TSNARE1: variants seen among roughly 807,000 people sequenced by gnomAD.
The protein encoded by TSNARE1 is t-SNARE domain-containing protein 1.
Under a neutral mutation model 62.0 loss-of-function variants are expected in TSNARE1, and 49 were observed. That is an observed-to-expected ratio of 0.79 (90% CI 0.63 to 1.00). The LOEUF is 1.00. Ranked by LOEUF, TSNARE1 falls within the 50% of genes least tolerant of loss-of-function variation. The probability of loss-of-function intolerance (pLI) is 0.00; values close to 1 mark genes in which losing one functional copy is unlikely to be tolerated. For synonymous variants in TSNARE1, 328 were observed against 294.4 expected, an observed-to-expected ratio of 1.11 and a Z score of -1.17; for missense variants, 755 against 700.1, an observed-to-expected ratio of 1.08 and a Z score of -0.88.
At chr8:142,339,005 A>G (rs1832162750) in intron 4 of TSNARE1, among the ~76,000 whole-genome samples, 1 of 152,148 alleles carries the variant, frequency 6.6e-6, no homozygotes. Flanking sequence ...GCAGGGCACA[A>G]GTGGCCAGCC....
At chr8:142,311,302 T>TTTTTTTTTTTTTG (rs1827575192) in intron 9 of TSNARE1, among the ~76,000 whole-genome samples, 1 of 139,482 alleles carries the variant, frequency 7.2e-6, no homozygotes, top group African/African-American at 2.8e-5. Context: ...TTTTTTTTTT[T>TTTTTTTTTTTTTG]TTTTTTTTTT....
At position 142,344,389 on chromosome 8, in the gene TSNARE1, C is replaced by G; in HGVS notation, c.322G>C (p.Gly108Arg). The G allele has an allele frequency of 6.3e-7, 1 of 1,578,970 alleles. No individual in the cohort carries two copies. Among genetic ancestry groups the G allele is most frequent in the Admixed American group, 1.9e-5 (1 of 52,718 alleles). Reference protein sequence around the residue: ...TIGPRKDSAAGPHGRMAGPST... With the variant: ...TIGPRKDSAARPHGRMAGPST... ...GGCCCCGCCATCCGGCCATGGGGCC[C>G]AGCAGCCGAGTCCTTCCTCGGGCCA... Residue 108 changes from glycine (G) to arginine (R), a missense_variant, in exon 4 of 14, where the codon GGG (glycine) becomes CGG (arginine). Physicochemically the swap from Gly to Arg is moderately radical, Grantham distance 125. Coordinates refer to ENST00000524325, the MANE Select transcript of TSNARE1 (RefSeq NM_145003.5).
Position 142,330,910 on chromosome 8 carries a change from C to T in TSNARE1, c.884G>A (p.Arg295Gln), listed in dbSNP as rs971103902. 7 of 1,614,104 alleles carry T rather than the reference C, an allele frequency of 4.3e-6. No individual in the cohort carries two copies. The highest frequency in any genetic ancestry group is 1.1e-5 in the South Asian group (1 of 91,082). The change falls in exon 6 of 14, where the codon CGG (arginine) becomes CAG (glutamine). Residue 295 changes from arginine (R) to glutamine (Q), a missense_variant. Coordinates refer to ENST00000524325, the MANE Select transcript of TSNARE1 (RefSeq NM_145003.5). ...LGTPSDTQEL[R>Q]DSLHTAQQET... The stretch of plus-strand genomic sequence containing the variant: ...TGGCCCACACACTCACAGGCTGTCC[C>T]GAAGCTCCTGCGTGTCACTCGGTGT...
rs113450534 is a variant in TSNARE1, at chr8:142,291,727, G to A, written c.1291-7242C>T. Reference sequence around the variant, plus strand: ...CAACAGTGTGTGGGGGGCGAGCGTGGGAGCGGCAGGGGTTAGAGGACACCC... The same window carrying A: ...CAACAGTGTGTGGGGGGCGAGCGTGAGAGCGGCAGGGGTTAGAGGACACCC... On this transcript the variant is annotated intron_variant, in intron 10 of 13. Transcript: ENST00000524325. This position sits in a 1 kb window ranked among gnomAD's most constrained non-coding sequence, Gnocchi z 4.8. Among the ~76,000 whole-genome samples, 1 of 152,272 alleles carries A rather than the reference G, an allele frequency of 6.6e-6. No homozygotes were observed. Among genetic ancestry groups the A allele is most frequent in the Non-Finnish European group, 1.5e-5 (1 of 68,030 alleles).
chr8:142,255,000 G>A (rs1403521989), intron 12 of TSNARE1, among the ~76,000 whole-genome samples: 1 of 152,088 alleles, frequency 6.6e-6, no homozygotes, highest in Non-Finnish European at 1.5e-5. Flanking sequence ...TGGGGGGATA[G>A]ACTTGAGCCA....
intron 12 of TSNARE1, among the ~76,000 whole-genome samples, chr8:142,232,932 C>T (rs746923204): frequency 2.0e-5 from 3 of 152,154 alleles, no homozygotes; most frequent in South Asian, 2.1e-4. Context: ...GCTGCCTGGC[C>T]GGAGGGGCTG....
intron 1 of TSNARE1, among the ~76,000 whole-genome samples, chr8:142,356,645 A>G (rs1319031699): frequency 6.6e-6 from 1 of 152,242 alleles, no homozygotes; most frequent in Non-Finnish European, 1.5e-5. Flanking sequence ...CATAGCAGCT[A>G]GCACTTCCTT....
intron 10 of TSNARE1, among the ~76,000 whole-genome samples, chr8:142,287,998 T>C (rs1823053815): frequency 6.6e-6 from 1 of 152,220 alleles, no homozygotes; most frequent in African/African-American, 2.4e-5. Flanking sequence ...CAGCATGGGA[T>C]GGGCCTTACG....
chr8:142,268,432 C>T (rs1819252115), intron 12 of TSNARE1, among the ~76,000 whole-genome samples: 1 of 152,220 alleles, frequency 6.6e-6, no homozygotes, highest in Non-Finnish European at 1.5e-5. Flanking sequence ...ATCTTCCTGC[C>T]CCTCGCTGGC....
intron 2 of TSNARE1, among the ~76,000 whole-genome samples, chr8:142,348,597 G>A (rs1408530800): frequency 1.0e-4 from 6 of 59,190 alleles, no homozygotes; most frequent in African/African-American, 4.5e-4. Flanking sequence ...CCCCGCTCCC[G>A]CCCCAGGCTG....
rs942662163 is a variant in TSNARE1, at chr8:142,331,058, G to A, written c.824-88C>T. 8.4e-6 allele frequency: 10 copies of A among 1,189,982 alleles called. No individual in the cohort carries two copies. In the African/African-American group the frequency reaches 1.5e-4, roughly 18 times the overall value. 73.7% of individuals were successfully genotyped at this position (1,189,982 alleles called of 1,614,324 possible). On this transcript the variant is annotated intron_variant, in intron 5 of 13. Coordinates refer to ENST00000524325, the MANE Select transcript of TSNARE1 (RefSeq NM_145003.5). The stretch of plus-strand genomic sequence containing the variant: ...TATGGGTGGCCCCACTGCAGCCCGG[G>A]CAGGGTGAGCAGAGCCCAGGGACCA...
chr8:142,360,916 G>A (rs936593019), intron 1 of TSNARE1, among the ~76,000 whole-genome samples: 1 of 152,202 alleles, frequency 6.6e-6, no homozygotes, highest in South Asian at 2.1e-4. Context: ...AGACTCCCCA[G>A]TAGGGCCTCT....
At chr8:142,285,765 T>C (rs925217851) in intron 10 of TSNARE1, among the ~76,000 whole-genome samples, 3 of 152,160 alleles carry the variant, frequency 2.0e-5, no homozygotes, top group African/African-American at 4.8e-5. Flanking sequence ...CCCGGCATAC[T>C]GTGCTGGCCT....
At chr8:142,402,921 T>C (rs1450958547) in intron 1 of TSNARE1, 183 bp downstream of exon 1, 1 of 145,534 alleles carries the variant, frequency 6.9e-6, no homozygotes, top group Non-Finnish European at 1.5e-5. Context: ...CCCGGCACGG[T>C]CCCGCCCCCT....
chr8:142,301,425 C>T (rs1186846676), intron 9 of TSNARE1, among the ~76,000 whole-genome samples: 1 of 131,872 alleles, frequency 7.6e-6, no homozygotes, highest in East Asian at 2.3e-4. Flanking sequence ...CCCCCACCTG[C>T]CCTGCCCATG....
rs140747998 is a variant in TSNARE1, at chr8:142,342,290, C to T, written c.745+1676G>A. Among the ~76,000 whole-genome samples the T allele has an allele frequency of 3.9e-5, 6 of 152,358 alleles. No individual in the cohort carries two copies. In the East Asian group the frequency reaches 9.6e-4, roughly 24 times the overall value. ...CCTGCAGCTGAGCAGGAGGCCTCAG[C>T]GCCCGTGACCAGAGATGCCTACTTA... On this transcript the variant is annotated intron_variant, in intron 4 of 13. Coordinates refer to ENST00000524325, the MANE Select transcript of TSNARE1 (RefSeq NM_145003.5).
At chr8:142,399,979 A>C (rs1454713397) in intron 1 of TSNARE1, among the ~76,000 whole-genome samples, 1 of 152,066 alleles carries the variant, frequency 6.6e-6, no homozygotes, top group East Asian at 1.9e-4. Context: ...AGGATGGCTT[A>C]AGGCCAGGAG....
chr8:142,314,592 C>T, intron 8 of TSNARE1, 152 bp from the exon 9 acceptor site: 2 of 692,788 alleles, frequency 2.9e-6, no homozygotes, highest in Non-Finnish European at 5.0e-6. Flanking sequence ...CGGGGCTGAG[C>T]TCTGCCAGCG....
intron 11 of TSNARE1, among the ~76,000 whole-genome samples, chr8:142,283,184 G>A (rs202129099): frequency 1.2e-4 from 16 of 133,366 alleles, no homozygotes; most frequent in South Asian, 5.1e-4. Context: ...GTCAATGAGC[G>A]GAGGTGGGGC....
Sources: allele counts gnomAD v4.1 joint callset (sites outside exome capture counted in the v4.1 genomes callset), GRCh38; gene constraint gnomAD v4.1.1; non-coding constraint Gnocchi (gnomAD v3.1); transcripts MANE v1.5; gene names NCBI Gene and HGNC (gene_info 2026-07-23, HGNC 2026-07-21).